MUSK: variants seen among roughly 807,000 people sequenced by gnomAD.
MUSK encodes muscle, skeletal receptor tyrosine-protein kinase.
In MUSK, 55 loss-of-function variants were observed where a neutral mutation model predicts 88.7. That is an observed-to-expected ratio of 0.62 (90% CI 0.50 to 0.78). The LOEUF is 0.78. Among genes scored for constraint, MUSK ranks in the 30% least tolerant of loss-of-function variants. MUSK has a pLI of 0.00. For synonymous variants in MUSK, 387 were observed against 391.9 expected (o/e 0.99, Z 0.15); for missense variants, 1,015 against 1,074.3 (o/e 0.94, Z 0.77).
In MUSK at chr9:110,681,029, T is replaced by TATTATATAATATATTAATATTA. The variant is rs1564209366; in HGVS notation, c.80-1645_80-1644insATTATATAATATATTAATATTA. Among the ~76,000 whole-genome samples, 17 of 10,828 alleles carry TATTATATAATATATTAATATTA rather than the reference T, an allele frequency of 1.6e-3. 1 individual carries two copies. Among genetic ancestry groups the TATTATATAATATATTAATATTA allele is most frequent in the South Asian group, 0.013 (10 of 796 alleles). 7.1% of individuals were successfully genotyped at this position (10,828 alleles called of 152,430 possible). On this transcript the variant is annotated intron_variant, in intron 1 of 14. Transcript: ENST00000374448. The stretch of plus-strand genomic sequence containing the variant: ...TATTATATATAATATATATTATATA[T>TATTATATAATATATTAATATTA]TATATATTATATAATATATATTATA...
chr9:110,688,864 T>A (rs1269874710), intron 3 of MUSK, among the ~76,000 whole-genome samples: 2 of 151,046 alleles, frequency 1.3e-5, no homozygotes, highest in African/African-American at 4.9e-5. Context: ...CAGTCCATCA[T>A]TAATGGGCAT....
chr9:110,798,611 C>A (rs2078048020), intron 14 of MUSK, among the ~76,000 whole-genome samples: 1 of 152,042 alleles, frequency 6.6e-6, no homozygotes. Flanking sequence ...ATTAATTCAT[C>A]CATCCACCCA....
intron 5 of MUSK, among the ~76,000 whole-genome samples, chr9:110,697,878 A>G (rs1356089392): frequency 2.0e-5 from 3 of 151,592 alleles, no homozygotes; most frequent in Admixed American, 6.6e-5. Context: ...AAAAGTAGCT[A>G]TTTTCAGATA....
intron 3 of MUSK, among the ~76,000 whole-genome samples, chr9:110,689,718 T>TAGTTATACATAAATATATAACTATATATA (rs370720549): frequency 3.9e-5 from 2 of 51,662 alleles, no homozygotes; most frequent in Non-Finnish European, 5.9e-5. Flanking sequence ...TAACTATATA[T>TAGTTATACATAAATATATAACTATATATA]GTTATATATA....
intron 1 of MUSK, among the ~76,000 whole-genome samples, chr9:110,682,086 G>A (rs1390918601): frequency 6.6e-6 from 1 of 151,930 alleles, no homozygotes; most frequent in African/African-American, 2.4e-5. Flanking sequence ...TTCACAAAGT[G>A]GTGTCTCTTC....
intron 5 of MUSK, among the ~76,000 whole-genome samples, chr9:110,725,782 G>A (rs1297985659): frequency 6.6e-6 from 1 of 151,922 alleles, no homozygotes; most frequent in Non-Finnish European, 1.5e-5. Context: ...AATCAATTTG[G>A]AAGACAAGAA....
rs11349092 is a variant in MUSK at position 110,776,067 on chromosome 9, ATT to A, written c.1360+115_1360+116del. Reference sequence around the variant, plus strand: ...CTTCTAATATTTCTAGGCATTTCTAATTTTTTTTTTTTGAGTTCTGCCTTCCT... The same window carrying A: ...CTTCTAATATTTCTAGGCATTTCTAATTTTTTTTTTGAGTTCTGCCTTCCT... On this transcript the variant is annotated intron_variant, in intron 10 of 14. Coordinates refer to ENST00000374448, the MANE Select transcript of MUSK (RefSeq NM_005592.4). 10,220 of 1,086,078 alleles carry A rather than the reference ATT, an allele frequency of 9.4e-3. 358 individuals are homozygous for A. In the African/African-American group the frequency reaches 0.11, roughly 12 times the overall value. 67.3% of individuals were successfully genotyped at this position (1,086,078 alleles called of 1,614,324 possible).
At chr9:110,689,904 T>C (rs1587905754) in intron 3 of MUSK, among the ~76,000 whole-genome samples, 1 of 72,048 alleles carries the variant, frequency 1.4e-5, no homozygotes, top group South Asian at 4.8e-4. Flanking sequence ...TATATAAATA[T>C]ACATAAAAAT....
chr9:110,730,000 A>T (rs1360504785), intron 5 of MUSK, among the ~76,000 whole-genome samples: 1 of 152,086 alleles, frequency 6.6e-6, no homozygotes, highest in Non-Finnish European at 1.5e-5. Context: ...AACTGATTAC[A>T]TATCTGAAAG....
intron 7 of MUSK, among the ~76,000 whole-genome samples, chr9:110,758,214 T>C (rs2077352225): frequency 6.6e-6 from 1 of 152,220 alleles, no homozygotes; most frequent in Non-Finnish European, 1.5e-5. Flanking sequence ...TCCTCCTGCC[T>C]GGGTCTCCCA....
intron 1 of MUSK, among the ~76,000 whole-genome samples, chr9:110,675,626 G>C (rs1376145491): frequency 7.2e-6 from 1 of 138,504 alleles, no homozygotes; most frequent in African/African-American, 2.7e-5. Flanking sequence ...CTGGAGTGCA[G>C]CGGTGCGGTC....
chr9:110,675,939 G>A (rs1320081496), intron 1 of MUSK, among the ~76,000 whole-genome samples: 1 of 151,922 alleles, frequency 6.6e-6, no homozygotes, highest in Non-Finnish European at 1.5e-5. Flanking sequence ...CACTCCACAA[G>A]CTTAATAAAA....
chr9:110,728,558 A>C (rs1407565673), intron 5 of MUSK: 5 of 675,358 alleles, frequency 7.4e-6, no homozygotes, highest in African/African-American at 5.4e-5. Flanking sequence ...TGAAATAAGA[A>C]ACAAGCAGCT....
intron 3 of MUSK, among the ~76,000 whole-genome samples, chr9:110,692,327 TTTTA>T (rs1443268723): frequency 1.3e-5 from 2 of 151,962 alleles, no homozygotes; most frequent in African/African-American, 2.4e-5. Context: ...ACCAGGCTAC[TTTTA>T]TTTATTTATT....
At chr9:110,739,940 T>C (rs556880583) in intron 6 of MUSK, among the ~76,000 whole-genome samples, 46 of 152,258 alleles carry the variant, frequency 3.0e-4, no homozygotes, top group African/African-American at 1.0e-3. Context: ...GTAGTGAACA[T>C]ATATTATCAT....
intron 9 of MUSK, among the ~76,000 whole-genome samples, chr9:110,769,283 G>A (rs934496937): frequency 2.6e-5 from 4 of 152,142 alleles, no homozygotes; most frequent in African/African-American, 9.7e-5. Flanking sequence ...AATAACAACA[G>A]TATGGTCATT....
chr9:110,772,070 G>A (rs2077584734), intron 9 of MUSK, among the ~76,000 whole-genome samples: 1 of 150,332 alleles, frequency 6.7e-6, no homozygotes, highest in Admixed American at 6.6e-5. Flanking sequence ...TCCTCTGATG[G>A]AAAAATATGG....
intron 1 of MUSK, among the ~76,000 whole-genome samples, chr9:110,681,847 G>A (rs567290150): frequency 1.1e-4 from 17 of 152,136 alleles, no homozygotes; most frequent in African/African-American, 4.1e-4. Flanking sequence ...ACTTCTAAAT[G>A]TCAATCATAC....
chr9:110,798,828 C>T (rs2078051145), intron 14 of MUSK, among the ~76,000 whole-genome samples: 1 of 152,038 alleles, frequency 6.6e-6, no homozygotes, highest in Non-Finnish European at 1.5e-5. Context: ...TATCTATACA[C>T]ATGTATATAT....
Sources: allele counts gnomAD v4.1 joint callset (sites outside exome capture counted in the v4.1 genomes callset), GRCh38; gene constraint gnomAD v4.1.1; transcripts MANE v1.5; gene names NCBI Gene and HGNC (gene_info 2026-07-23, HGNC 2026-07-21).